Variants in CSMD1 observed in about 807,000 individuals in gnomAD.
CSMD1 encodes CUB and sushi domain-containing protein 1.
CSMD1 carries 213 observed loss-of-function variants against 417.5 expected under a neutral mutation model. That is an observed-to-expected ratio of 0.51 (90% CI 0.46 to 0.57). The LOEUF (loss-of-function observed/expected upper bound fraction) is 0.57. CSMD1 is among the 20% of genes least tolerant of loss of function. The pLI, the probability that CSMD1 is intolerant of heterozygous loss-of-function variation, is 0.00. For synonymous variants in CSMD1, 2,862 were observed against 1,736.8 expected, an observed-to-expected ratio of 1.65 and a Z score of -16.11; for missense variants, 6,923 against 4,529.7, an observed-to-expected ratio of 1.53 and a Z score of -15.17.
chr8:4,536,602 C>T (rs888741925), intron 2 of CSMD1, among the ~76,000 whole-genome samples: 1 of 152,186 alleles, frequency 6.6e-6, no homozygotes, highest in Non-Finnish European at 1.5e-5. Context: ...CGTTTAGTGG[C>T]TGCACAAGTG....
intron 3 of CSMD1, among the ~76,000 whole-genome samples, chr8:4,297,214 A>C (rs1422323455): frequency 6.6e-6 from 1 of 152,176 alleles, no homozygotes; most frequent in Non-Finnish European, 1.5e-5. Flanking sequence ...TCCCTGGAGA[A>C]ACTGGGGACC....
chr8:4,831,093 T>C (rs1800123545), intron 1 of CSMD1, among the ~76,000 whole-genome samples: 1 of 152,220 alleles, frequency 6.6e-6, no homozygotes, highest in Non-Finnish European at 1.5e-5. Context: ...GGATGTTTTT[T>C]CCATTTTACC....
At chr8:3,307,242 C>G (rs879373635) in intron 25 of CSMD1, among the ~76,000 whole-genome samples, 12 of 151,970 alleles carry the variant, frequency 7.9e-5, no homozygotes, top group Non-Finnish European at 1.2e-4. Flanking sequence ...GCTGCTACAA[C>G]CCTCCCACCG....
In CSMD1 at chr8:4,046,706, T is replaced by G. The variant is rs76915327; in HGVS notation, c.416-14607A>C. On this transcript the variant is annotated intron_variant, in intron 3 of 69. Coordinates refer to ENST00000635120, the MANE Select transcript of CSMD1 (RefSeq NM_033225.6). The stretch of plus-strand genomic sequence containing the variant: ...ATTTGATTTTAAAAGGATGTAGATA[T>G]TATTTAAATGACCTAATGATTTAAA... Among the ~76,000 whole-genome samples, 3 of 152,374 alleles carry G rather than the reference T, an allele frequency of 2.0e-5. No homozygotes were observed. In the East Asian group the frequency reaches 5.8e-4, roughly 29 times the overall value.
chr8:4,566,786 C>T (rs1178874617), intron 2 of CSMD1, among the ~76,000 whole-genome samples: 1 of 150,458 alleles, frequency 6.6e-6, no homozygotes, highest in East Asian at 1.9e-4. Context: ...TGAATAAAAT[C>T]GTATGTTTGT....
rs537635878 is a variant in CSMD1 at position 2,984,614 on chromosome 8, T to C, written c.8378-5814A>G. 2.6e-5 allele frequency among the ~76,000 whole-genome samples: 4 copies of C among 152,336 alleles called. No homozygotes were observed. The South Asian group carries it at 8.3e-4, about 32-fold the overall frequency. ...CACCCACCTTGGGCTCCCAAAGTGC[T>C]GGGATTACAGGCATGAGCCACCGCG... On this transcript the variant is annotated intron_variant, in intron 54 of 69. Coordinates refer to ENST00000635120, the MANE Select transcript of CSMD1 (RefSeq NM_033225.6).
rs948015935 is a variant in CSMD1, at chr8:3,284,434, T to G, written c.3951-88A>C. 1.2e-5 allele frequency: 12 copies of G among 960,222 alleles called. No homozygotes were observed. In the Admixed American group the frequency reaches 2.2e-4, roughly 17 times the overall value. The allele number at this position is 960,222 out of a possible 1,614,324, so 59.5% of individuals were successfully genotyped here. ...GTAAAGTAAGCAAGCTCATTTCGCTTTCACACAACCCCCACCAACATGTGC... is the reference window on the plus strand; with the variant it reads ...GTAAAGTAAGCAAGCTCATTTCGCTGTCACACAACCCCCACCAACATGTGC... On this transcript the variant is annotated intron_variant, in intron 25 of 69. Coordinates refer to ENST00000635120, the MANE Select transcript of CSMD1 (RefSeq NM_033225.6).
chr8:3,178,494 C>T (rs192364731), intron 37 of CSMD1, among the ~76,000 whole-genome samples: 13 of 152,208 alleles, frequency 8.5e-5, no homozygotes, highest in African/African-American at 3.1e-4. Flanking sequence ...AGTCTGGATA[C>T]CTCGCAAGGT....
At chr8:4,823,176 G>C (rs550998615) in intron 1 of CSMD1, among the ~76,000 whole-genome samples, 3 of 151,998 alleles carry the variant, frequency 2.0e-5, no homozygotes, top group Non-Finnish European at 4.4e-5. Context: ...GTTCCTGTCA[G>C]ATCTGTTTAA....
At chr8:3,896,476 G>C (rs1044649565) in intron 5 of CSMD1, among the ~76,000 whole-genome samples, 2 of 152,006 alleles carry the variant, frequency 1.3e-5, no homozygotes, top group Non-Finnish European at 2.9e-5. Flanking sequence ...TCAATAAAAG[G>C]CTACCAAATA....
intron 26 of CSMD1, among the ~76,000 whole-genome samples, chr8:3,246,148 T>G (rs1306333729): frequency 6.6e-6 from 1 of 152,106 alleles, no homozygotes; most frequent in East Asian, 1.9e-4. Context: ...TAAAAACCCT[T>G]GAGTGGATTC....
intron 1 of CSMD1, among the ~76,000 whole-genome samples, chr8:4,980,312 G>A (rs886679047): frequency 2.6e-5 from 4 of 152,156 alleles, no homozygotes; most frequent in East Asian, 1.9e-4. Context: ...CACAAGGGCT[G>A]TGTGCCTATT....
At chr8:3,492,679 T>A (rs1016938043) in intron 11 of CSMD1, among the ~76,000 whole-genome samples, 1 of 152,186 alleles carries the variant, frequency 6.6e-6, no homozygotes, top group Non-Finnish European at 1.5e-5. Context: ...CTGAAGCAGA[T>A]GCCCAGGTCA....
intron 3 of CSMD1, among the ~76,000 whole-genome samples, chr8:4,066,286 C>G (rs150539643): frequency 3.3e-4 from 50 of 152,228 alleles, no homozygotes; most frequent in African/African-American, 1.1e-3. Context: ...TTTCTCTGTA[C>G]GACCTTAACC....
In CSMD1 at chr8:3,270,085, T is replaced by C. The variant is rs551049207; in HGVS notation, c.4153+14059A>G. Among the ~76,000 whole-genome samples, 249 of 144,698 alleles carry C rather than the reference T, an allele frequency of 1.7e-3. 1 individual carries two copies. Among genetic ancestry groups the C allele is most frequent in the Non-Finnish European group, 3.0e-3 (200 of 66,728 alleles). 94.9% of individuals were successfully genotyped at this position (144,698 alleles called of 152,430 possible). A position where few individuals can be genotyped will look rare whatever the true frequency, so the allele number is the denominator to read the frequency against. On this transcript the variant is annotated intron_variant, in intron 26 of 69. Coordinates refer to ENST00000635120, the MANE Select transcript of CSMD1 (RefSeq NM_033225.6). ...TTTTTTTTGAGATGGAGTCTTGCTC[T>C]GTTGCCCAGGGCGAAGTACAGTGGC...
chr8:4,156,249 C>G (rs530332034), intron 3 of CSMD1, among the ~76,000 whole-genome samples: 1 of 152,254 alleles, frequency 6.6e-6, no homozygotes, highest in African/African-American at 2.4e-5. Context: ...TTTCTTTTTA[C>G]TAACTTTTTA....
chr8:4,170,597 T>G (rs1466383684), intron 3 of CSMD1, among the ~76,000 whole-genome samples: 1 of 151,920 alleles, frequency 6.6e-6, no homozygotes. Context: ...TTTCAAATTC[T>G]GTTTCTACAA....
chr8:4,001,363 C>G (rs1257306684), intron 4 of CSMD1, among the ~76,000 whole-genome samples: 1 of 152,138 alleles, frequency 6.6e-6, no homozygotes, highest in East Asian at 1.9e-4. Flanking sequence ...GCCATTAGCC[C>G]CCTGGTTTCT....
intron 2 of CSMD1, among the ~76,000 whole-genome samples, chr8:4,475,530 G>C (rs1413533257): frequency 2.6e-5 from 4 of 152,108 alleles, no homozygotes; most frequent in Non-Finnish European, 5.9e-5. Context: ...GAGATAACTA[G>C]AAAGTTTCAT....
Sources: allele counts gnomAD v4.1 joint callset (sites outside exome capture counted in the v4.1 genomes callset), GRCh38; gene constraint gnomAD v4.1.1; transcripts MANE v1.5; gene names NCBI Gene and HGNC (gene_info 2026-07-23, HGNC 2026-07-21).